The following CEP112 variants were observed in gnomAD, a reference collection of about 807,000 sequenced individuals.
The protein encoded by CEP112 is centrosomal protein of 112 kDa.
In CEP112, 127 loss-of-function variants were observed where a neutral mutation model predicts 153.0. That is an observed-to-expected ratio of 0.83 (90% confidence interval 0.72 to 0.96). CEP112 has a LOEUF of 0.96. CEP112 is among the 40% of genes least tolerant of loss of function. The pLI is 0.00. For missense variants in CEP112, 1,089 were observed against 1,101.2 expected (o/e 0.99, Z 0.16); for synonymous variants, 358 against 374.4 (o/e 0.96, Z 0.51).
chr17:66,008,032 A>G (rs997945102), intron 16 of CEP112, among the ~76,000 whole-genome samples: 2 of 152,168 alleles, frequency 1.3e-5, no homozygotes, highest in Non-Finnish European at 2.9e-5. Context: ...AGATTGACAC[A>G]TAGAGACAGA....
intron 4 of CEP112, among the ~76,000 whole-genome samples, chr17:66,150,317 C>A (rs1296697883): frequency 6.6e-6 from 1 of 151,718 alleles, no homozygotes; most frequent in Non-Finnish European, 1.5e-5. Context: ...TGTGACTCAG[C>A]CTCCCAAGGA....
chr17:65,951,037 T>C (rs535634706), intron 18 of CEP112, among the ~76,000 whole-genome samples: 1 of 152,274 alleles, frequency 6.6e-6, no homozygotes, highest in South Asian at 2.1e-4. Context: ...ATATGTAACA[T>C]TAATTGATTT....
At chr17:66,043,328 T>C (rs930105775) in intron 12 of CEP112, among the ~76,000 whole-genome samples, 1 of 152,178 alleles carries the variant, frequency 6.6e-6, no homozygotes, top group African/African-American at 2.4e-5. Context: ...TTTACCCTCA[T>C]TAGAAATTAC....
At chr17:65,655,291 C>A (rs369199641) in intron 24 of CEP112, 5 of 1,392,670 alleles carry the variant, frequency 3.6e-6, no homozygotes, top group Admixed American at 1.7e-5. Flanking sequence ...GCAGGCTGAG[C>A]GACCGCAGCC....
At chr17:65,684,194 G>A (rs1486916795) in intron 24 of CEP112, among the ~76,000 whole-genome samples, 3 of 152,138 alleles carry the variant, frequency 2.0e-5, no homozygotes, top group African/African-American at 4.8e-5. Flanking sequence ...ACCTAACACT[G>A]TTTAGCAAAA....
intron 21 of CEP112, chr17:65,826,285 CAGAGA>C: frequency 6.2e-7 from 1 of 1,614,118 alleles, no homozygotes. Flanking sequence ...GGTCTAAACT[CAGAGA>C]AGCCCACATC....
rs10647121 is a variant in CEP112 at position 65,774,086 on chromosome 17, C to CAAA, written c.2395-23365_2395-23363dup. Among the ~76,000 whole-genome samples, 458 of 125,588 alleles carry CAAA rather than the reference C, an allele frequency of 3.6e-3. 2 individuals carry two copies. Among genetic ancestry groups the CAAA allele is most frequent in the Middle Eastern group, 0.013 (3 of 230 alleles). 82.4% of individuals were successfully genotyped at this position (125,588 alleles called of 152,430 possible). On this transcript the variant is annotated intron_variant, in intron 21 of 26. Coordinates refer to ENST00000535342, the MANE Select transcript of CEP112 (RefSeq NM_001199165.4). ...TGGGTGACAAAGTGAGGCTCCATCT[C>CAAA]AAAAAAAAAAAAAAAGTCCATTTTT... is the stretch of plus-strand genomic sequence containing the variant.
At chr17:65,808,219 C>T (rs1043589271) in intron 21 of CEP112, among the ~76,000 whole-genome samples, 1 of 152,198 alleles carries the variant, frequency 6.6e-6, no homozygotes, top group African/African-American at 2.4e-5. Context: ...TTCTTTTTGC[C>T]AATTTCTCCC....
intron 1 of CEP112, among the ~76,000 whole-genome samples, chr17:66,190,448 AAAAT>A (rs1308060017): frequency 1.3e-5 from 2 of 152,242 alleles, no homozygotes; most frequent in African/African-American, 4.8e-5. Flanking sequence ...CTGGAATTGA[AAAAT>A]AAGTAAAGCA....
chr17:65,777,609 A>G (rs1464576846), intron 21 of CEP112, among the ~76,000 whole-genome samples: 3 of 152,154 alleles, frequency 2.0e-5, no homozygotes, highest in Non-Finnish European at 4.4e-5. Flanking sequence ...GTAGTACTCA[A>G]TATGTGTCTA....
chr17:66,020,780 AT>A (rs2145617626), intron 16 of CEP112, among the ~76,000 whole-genome samples: 1 of 152,358 alleles, frequency 6.6e-6, no homozygotes, highest in East Asian at 1.9e-4. Context: ...GCAAAAAAGA[AT>A]TTAGAAACTT....
At chr17:65,849,794 C>T (rs944784845) in intron 21 of CEP112, among the ~76,000 whole-genome samples, 1 of 152,172 alleles carries the variant, frequency 6.6e-6, no homozygotes, top group African/African-American at 2.4e-5. Context: ...AGTGGCAACA[C>T]CACTTTCCCT....
chr17:65,696,199 G>A (rs952247089), intron 23 of CEP112, among the ~76,000 whole-genome samples: 10 of 152,160 alleles, frequency 6.6e-5, no homozygotes, highest in Admixed American at 6.5e-5. Context: ...GAAATTTAAT[G>A]TGTTTGACAC....
At chr17:66,145,360 C>G (rs1293559150) in intron 4 of CEP112, among the ~76,000 whole-genome samples, 1 of 151,768 alleles carries the variant, frequency 6.6e-6, no homozygotes, top group Non-Finnish European at 1.5e-5. Context: ...CAAATGGTGC[C>G]TTTTTTAAAA....
intron 6 of CEP112, among the ~76,000 whole-genome samples, chr17:66,120,482 T>C (rs1291225116): frequency 2.0e-5 from 3 of 152,100 alleles, no homozygotes; most frequent in African/African-American, 2.4e-5. Flanking sequence ...ATTATAGGTG[T>C]GAGCCACTGC....
In CEP112 at chr17:65,675,426, G is replaced by A. The variant is rs187542492; in HGVS notation, c.2697+13703C>T. ...TCACCATATTGGCCAGGCTGGTCTC[G>A]AATGCCTGACCTCAAGTGATCCACC... On this transcript the variant is annotated intron_variant, in intron 24 of 26. Coordinates refer to ENST00000535342, the MANE Select transcript of CEP112 (RefSeq NM_001199165.4). 5.1e-4 allele frequency among the ~76,000 whole-genome samples: 78 copies of A among 152,142 alleles called. No individual in the cohort carries two copies. The East Asian group carries it at 0.014, about 28-fold the overall frequency.
At chr17:66,000,270 A>T (rs1414145699) in intron 17 of CEP112, among the ~76,000 whole-genome samples, 7 of 123,762 alleles carry the variant, frequency 5.7e-5, no homozygotes, top group Non-Finnish European at 1.0e-4. Context: ...TTTTGACTGT[A>T]AGATGGTATC....
At chr17:65,883,427 C>A (rs1464791469) in intron 20 of CEP112, among the ~76,000 whole-genome samples, 1 of 152,066 alleles carries the variant, frequency 6.6e-6, no homozygotes, top group Non-Finnish European at 1.5e-5. Flanking sequence ...ATGGCATAAT[C>A]TTGGCTCACT....
intron 6 of CEP112, among the ~76,000 whole-genome samples, chr17:66,127,086 G>A (rs2069883553): frequency 1.3e-5 from 2 of 152,170 alleles, no homozygotes; most frequent in Non-Finnish European, 2.9e-5. Context: ...ATTTTACACT[G>A]TAAGTGTATT....
Sources: gnomAD v4.1 joint callset for allele counts (sites outside exome capture counted in the v4.1 genomes callset) on GRCh38, gnomAD v4.1.1 for gene constraint, MANE v1.5 for transcripts, NCBI Gene and HGNC (gene_info 2026-07-23, HGNC 2026-07-21) for gene names.